The following EDARADD variants were observed in gnomAD, a reference collection of about 807,000 sequenced individuals.
The protein encoded by EDARADD is EDAR associated via death domain, also known as ectodysplasin-A receptor-associated adapter protein.
In EDARADD, 20 loss-of-function variants were observed where a neutral mutation model predicts 25.6. The observed-to-expected ratio is 0.78, with a 90% CI of 0.55 to 1.14. The LOEUF (loss-of-function observed/expected upper bound fraction) is 1.14. EDARADD is among the 50% of genes most tolerant of loss of function. The pLI, the probability that EDARADD is intolerant of heterozygous loss-of-function variation, is 0.00. For synonymous variants in EDARADD, 86 were observed against 94.4 expected (o/e 0.91, Z 0.52); for missense variants, 225 against 270.1 (o/e 0.83, Z 1.17).
chr1:236,387,519 CG>C (rs1249601122), intron 3 of EDARADD, among the ~76,000 whole-genome samples: 246 of 8,930 alleles, frequency 0.028, no homozygotes, highest in East Asian at 0.061. Context: ...TCATTGAGAA[CG>C]GGCCAGGATG....
intron 4 of EDARADD, among the ~76,000 whole-genome samples, chr1:236,440,633 C>CACATG (rs1658374064): frequency 6.6e-6 from 1 of 151,672 alleles, no homozygotes; most frequent in African/African-American, 2.4e-5. Context: ...GCGACTCTTG[C>CACATG]TGCCATTTTT....
chr1:236,394,522 T>C lies in EDARADD; in HGVS notation c.61+17T>C, dbSNP rs766361296. The C allele has an allele frequency of 4.0e-5, 65 of 1,610,702 alleles. No homozygotes were observed. The South Asian group carries it at 7.1e-4, about 18-fold the overall frequency. On this transcript the variant is annotated intron_variant, in intron 1 of 5. Transcript: ENST00000334232. ...ACCAAGAGGGTATGTAGGCATTTGC[T>C]GTCTTCCTGGATTTCTCAGAGCTGA...
chr1:236,405,802 TTC>T (rs1667709486), intron 1 of EDARADD, among the ~76,000 whole-genome samples: 1 of 134,262 alleles, frequency 7.4e-6, no homozygotes, highest in African/African-American at 2.7e-5. Flanking sequence ...TTCTTTTTCT[TTC>T]TTTCTTTCCT....
rs869053977 is a variant in EDARADD at position 236,360,537 on chromosome 1, GT to G, written c.-6+9724del. On this transcript the variant is annotated intron_variant, in intron 3 of 7. Coordinates refer to the EDARADD transcript ENST00000439430. ...CAGGACAGAGGGATTTTAATTCACG[GT>G]TTTTTTTTTTTTTTTTTTTTTTTTT... 2.8e-3 allele frequency among the ~76,000 whole-genome samples: 361 copies of G among 131,190 alleles called. 1 individual carries two copies. The highest frequency in any genetic ancestry group is 8.2e-3 in the African/African-American group (270 of 32,950). 86.1% of individuals were successfully genotyped at this position (131,190 alleles called of 152,430 possible).
intron 2 of EDARADD, among the ~76,000 whole-genome samples, chr1:236,412,331 A>G (rs184223868): frequency 6.6e-6 from 1 of 152,206 alleles, no homozygotes; most frequent in East Asian, 1.9e-4. Flanking sequence ...CCGTAGCCCA[A>G]TCCCTATTTG....
At chr1:236,460,008 G>A (rs12038649) in intron 4 of EDARADD, among the ~76,000 whole-genome samples, 21,403 of 151,894 alleles carry the variant, frequency 0.14, 1,538 homozygotes, top group Non-Finnish European at 0.14. Context: ...TTTGTAACAC[G>A]TGGTTCCTTA....
chr1:236,445,231 A>ATTTTTTTTTTTTTTT (rs1415805260), intron 4 of EDARADD, among the ~76,000 whole-genome samples: 3 of 47,294 alleles, frequency 6.3e-5, no homozygotes, highest in African/African-American at 1.1e-4. Context: ...GACATAATAA[A>ATTTTTTTTTTTTTTT]TTCTTTTTTT....
chr1:236,362,256 G>C (rs969199100), intron 3 of EDARADD, among the ~76,000 whole-genome samples: 1 of 152,152 alleles, frequency 6.6e-6, no homozygotes, highest in African/African-American at 2.4e-5. Context: ...AGAGTCTGCA[G>C]TGGCATCTTG....
intron 1 of EDARADD, among the ~76,000 whole-genome samples, chr1:236,404,797 C>T (rs766857048): frequency 1.6e-4 from 25 of 151,518 alleles, no homozygotes; most frequent in Non-Finnish European, 2.8e-4. Context: ...TGTGAGACGC[C>T]GTCTCAAAAA....
intron 4 of EDARADD, among the ~76,000 whole-genome samples, chr1:236,447,199 T>C (rs1658574117): frequency 1.3e-4 from 9 of 68,054 alleles, no homozygotes; most frequent in Non-Finnish European, 3.2e-5. Flanking sequence ...TTTCTTTCTT[T>C]CTTTCTTTCT....
At chr1:236,360,517 C>T (rs1421675096) in intron 3 of EDARADD, among the ~76,000 whole-genome samples, 1 of 147,566 alleles carries the variant, frequency 6.8e-6, no homozygotes. Flanking sequence ...ATATTCAGGA[C>T]AGAGGGATTT....
chr1:236,436,624 C>CAAAAAA (rs5781885), intron 4 of EDARADD, among the ~76,000 whole-genome samples: 1 of 94,138 alleles, frequency 1.1e-5, no homozygotes, highest in Non-Finnish European at 1.9e-5. Flanking sequence ...AAGATCTTGT[C>CAAAAAA]AAAAAAAAAA....
At chr1:236,366,791 G>A (rs1252555852) in intron 3 of EDARADD, among the ~76,000 whole-genome samples, 1 of 142,556 alleles carries the variant, frequency 7.0e-6, no homozygotes, top group Non-Finnish European at 1.5e-5. Flanking sequence ...AATGTAGAGT[G>A]TCTGGCCAGG....
intron 4 of EDARADD, among the ~76,000 whole-genome samples, chr1:236,454,259 A>G (rs770134788): frequency 3.3e-5 from 5 of 152,096 alleles, no homozygotes; most frequent in Non-Finnish European, 7.4e-5. Context: ...CCTGTTAGCC[A>G]AGATGGTCTC....
chr1:236,462,733 C>G (rs1659071463), intron 4 of EDARADD, among the ~76,000 whole-genome samples: 1 of 152,220 alleles, frequency 6.6e-6, no homozygotes, highest in Non-Finnish European at 1.5e-5. Flanking sequence ...AGCCGACTTT[C>G]TGTTCAAAGA....
At chr1:236,464,159 G>A (rs777340380) in intron 4 of EDARADD, among the ~76,000 whole-genome samples, 33 of 152,046 alleles carry the variant, frequency 2.2e-4, no homozygotes, top group Non-Finnish European at 3.1e-4. Context: ...GCCACCACCC[G>A]GCTAGAACGG....
At chr1:236,467,261 T>C (rs1283302974) in intron 4 of EDARADD, among the ~76,000 whole-genome samples, 1 of 151,276 alleles carries the variant, frequency 6.6e-6, no homozygotes, top group Non-Finnish European at 1.5e-5. Flanking sequence ...AGCCCAGGGC[T>C]TCTGACTCGC....
chr1:236,405,742 T>C (rs1667699012), intron 1 of EDARADD, among the ~76,000 whole-genome samples: 1 of 44,152 alleles, frequency 2.3e-5, no homozygotes, highest in African/African-American at 8.3e-5. Context: ...TCTTTCTTTC[T>C]TTCTTTCTTT....
chr1:236,460,773 A>G (rs1659016502), intron 4 of EDARADD, among the ~76,000 whole-genome samples: 1 of 151,986 alleles, frequency 6.6e-6, no homozygotes, highest in Non-Finnish European at 1.5e-5. Context: ...TACCCCTGAA[A>G]ATTGATTGAC....
Sources: gnomAD v4.1 joint callset for allele counts (sites outside exome capture counted in the v4.1 genomes callset) on GRCh38, gnomAD v4.1.1 for gene constraint, MANE v1.5 for transcripts, NCBI Gene and HGNC (gene_info 2026-07-23, HGNC 2026-07-21) for gene names.